Variants in SWT1 observed in about 807,000 individuals in gnomAD.
The protein encoded by SWT1 is transcriptional protein SWT1.
In SWT1, 33 loss-of-function variants were observed where a neutral mutation model predicts 107.3. That is an observed-to-expected ratio of 0.31 (90% CI 0.23 to 0.41). The LOEUF (loss-of-function observed/expected upper bound fraction) is 0.41. Ranked by LOEUF, SWT1 falls within the 10% of genes least tolerant of loss-of-function variation. The pLI is 1.00. For missense variants in SWT1, 898 were observed against 1,028.9 expected (o/e 0.87, Z 1.74); for synonymous variants, 345 against 348.3 (o/e 0.99, Z 0.11).
chr1:185,239,346 A>G (rs1661105923), intron 16 of SWT1, among the ~76,000 whole-genome samples: 1 of 152,016 alleles, frequency 6.6e-6, no homozygotes, highest in Admixed American at 6.6e-5. Flanking sequence ...TTTTTCCTTA[A>G]AGTTGATATG....
intron 16 of SWT1, among the ~76,000 whole-genome samples, chr1:185,236,343 A>C (rs1558063557): frequency 6.6e-6 from 1 of 152,334 alleles, no homozygotes; most frequent in African/African-American, 2.4e-5. Context: ...AGTAACAAAA[A>C]CAGCATGGTA....
At chr1:185,290,059 A>G (rs1439324814) in intron 18 of SWT1, among the ~76,000 whole-genome samples, 1 of 152,144 alleles carries the variant, frequency 6.6e-6, no homozygotes. Context: ...GAGCCCAGGA[A>G]TGAGACCAGA....
intron 10 of SWT1, among the ~76,000 whole-genome samples, chr1:185,196,479 C>G (rs1657401071): frequency 6.6e-6 from 1 of 152,090 alleles, no homozygotes; most frequent in South Asian, 2.1e-4. Context: ...GCTCTTTCTT[C>G]TTTCCATATG....
At chr1:185,174,275 C>G in intron 4 of SWT1, 97 bp from the exon 5 acceptor site, 1 of 945,590 alleles carries the variant, frequency 1.1e-6, no homozygotes, top group East Asian at 2.9e-5. Flanking sequence ...TTTTATGAAG[C>G]TTAATGTCAG....
intron 16 of SWT1, chr1:185,251,489 T>C (rs570635230): frequency 6.6e-6 from 1 of 152,312 alleles, no homozygotes; most frequent in African/African-American, 2.4e-5. Flanking sequence ...ATGATTTATG[T>C]TAAAAATTTC....
intron 2 of SWT1, among the ~76,000 whole-genome samples, chr1:185,162,602 C>G (rs569124527): frequency 4.6e-5 from 7 of 152,182 alleles, no homozygotes; most frequent in African/African-American, 1.7e-4. Context: ...TCCTTGTGAT[C>G]GTGCTCTACC....
intron 18 of SWT1, among the ~76,000 whole-genome samples, chr1:185,278,854 C>CT (rs1664430135): frequency 6.6e-6 from 1 of 152,148 alleles, no homozygotes; most frequent in African/African-American, 2.4e-5. Context: ...TATAACTTAC[C>CT]TGTGTACCTG....
chr1:185,208,909 C>CA (rs1214511139), intron 13 of SWT1, among the ~76,000 whole-genome samples: 1 of 152,070 alleles, frequency 6.6e-6, no homozygotes, highest in Non-Finnish European at 1.5e-5. Context: ...TGCTTAAAAA[C>CA]AGAGTTTATT....
chr1:185,174,204 A>T (rs1655340676), intron 4 of SWT1, among the ~76,000 whole-genome samples, 168 bp from the exon 5 acceptor site: 1 of 152,214 alleles, frequency 6.6e-6, no homozygotes, highest in Non-Finnish European at 1.5e-5. Context: ...CAAACTAATT[A>T]TTCTAACACC....
chr1:185,211,079 G>A (rs926677025), intron 13 of SWT1, among the ~76,000 whole-genome samples: 4 of 152,198 alleles, frequency 2.6e-5, no homozygotes, highest in Non-Finnish European at 5.9e-5. Flanking sequence ...CATGCTCATG[G>A]ATAGGAAGAA....
chr1:185,258,618 A>G (rs1662794621), intron 16 of SWT1, among the ~76,000 whole-genome samples: 1 of 152,094 alleles, frequency 6.6e-6, no homozygotes. Flanking sequence ...ATTTTCCCTA[A>G]GTAGTTTGAA....
intron 16 of SWT1, among the ~76,000 whole-genome samples, chr1:185,260,000 T>C (rs181115553): frequency 2.6e-5 from 4 of 152,346 alleles, no homozygotes; most frequent in African/African-American, 7.2e-5. Context: ...TAATCTGTTA[T>C]ATAGCAAGAG....
rs557938582 is a variant in SWT1 at position 185,243,913 on chromosome 1, G to A, written c.2441+12205G>A. ...TTATTATTAAAGATAGTGACTTTACGCAGATTTTATTTAAACCTTATTGAT... is the reference window on the plus strand; with the variant it reads ...TTATTATTAAAGATAGTGACTTTACACAGATTTTATTTAAACCTTATTGAT... On this transcript the variant is annotated intron_variant, in intron 16 of 18. Transcript: ENST00000367500. Among the ~76,000 whole-genome samples, 18 of 152,048 alleles carry A rather than the reference G, an allele frequency of 1.2e-4. No homozygotes were observed. The South Asian group carries it at 1.9e-3, about 16-fold the overall frequency.
At chr1:185,272,051 G>C (rs1001122107) in intron 17 of SWT1, among the ~76,000 whole-genome samples, 7 of 152,176 alleles carry the variant, frequency 4.6e-5, no homozygotes, top group African/African-American at 1.7e-4. Flanking sequence ...AGCGATACCA[G>C]TTGTTGTGAC....
Position 185,260,020 on chromosome 1 carries a change from A to C in SWT1, c.2442-11303A>C, listed in dbSNP as rs569710242. Among the ~76,000 whole-genome samples, 34 of 152,282 alleles carry C rather than the reference A, an allele frequency of 2.2e-4. No individual in the cohort carries two copies. The East Asian group carries it at 6.0e-3, about 27-fold the overall frequency. On this transcript the variant is annotated intron_variant, in intron 16 of 18. Coordinates refer to ENST00000367500, the MANE Select transcript of SWT1 (RefSeq NM_017673.7). ...TGTTATATAGCAAGAGTCATGGGTGAGTACTTTAGAAATGCCTTGGAACTC... is the reference window on the plus strand; with the variant it reads ...TGTTATATAGCAAGAGTCATGGGTGCGTACTTTAGAAATGCCTTGGAACTC...
At chr1:185,266,490 C>T (rs553870872) in intron 16 of SWT1, 3 of 152,218 alleles carry the variant, frequency 2.0e-5, no homozygotes, top group Non-Finnish European at 2.9e-5. Flanking sequence ...AAAATTTAGT[C>T]CATTTTAATT....
At chr1:185,290,516 G>A (rs1665192488) in intron 18 of SWT1, among the ~76,000 whole-genome samples, 158 bp from the exon 19 acceptor site, 1 of 152,008 alleles carries the variant, frequency 6.6e-6, no homozygotes, top group African/African-American at 2.4e-5. Flanking sequence ...TAGCTTGATT[G>A]AGCCATTCTA....
intron 17 of SWT1, among the ~76,000 whole-genome samples, chr1:185,273,427 G>A (rs1385603496): frequency 6.6e-6 from 1 of 151,002 alleles, no homozygotes; most frequent in Admixed American, 6.6e-5. Context: ...AATAGGCTGG[G>A]CGCGGTGGCT....
chr1:185,197,684 G>A (rs982595781), intron 10 of SWT1, among the ~76,000 whole-genome samples: 2 of 152,168 alleles, frequency 1.3e-5, no homozygotes, highest in East Asian at 1.9e-4. Context: ...TTTAGACTTG[G>A]TAGGGTGTAT....
Sources: allele counts gnomAD v4.1 joint callset (sites outside exome capture counted in the v4.1 genomes callset), GRCh38; gene constraint gnomAD v4.1.1; transcripts MANE v1.5; gene names NCBI Gene and HGNC (gene_info 2026-07-23, HGNC 2026-07-21).